The following SDCCAG8 variants were observed in gnomAD, a reference collection of about 807,000 sequenced individuals.
SDCCAG8 encodes serologically defined colon cancer antigen 8.
Under a neutral mutation model 101.8 loss-of-function variants are expected in SDCCAG8, and 74 were observed. The ratio of observed to expected loss-of-function variants is 0.73; its 90% CI spans 0.60 to 0.88. The LOEUF is 0.88. Ranked by LOEUF, SDCCAG8 falls within the 40% of genes least tolerant of loss-of-function variation. The pLI is 0.00. For synonymous variants in SDCCAG8, 281 were observed against 292.9 expected, an observed-to-expected ratio of 0.96 and a Z score of 0.41; for missense variants, 787 against 822.6, an observed-to-expected ratio of 0.96 and a Z score of 0.53.
chr1:243,316,959 A>T (rs931498158), intron 9 of SDCCAG8, 66 bp downstream of exon 9: 51 of 1,509,590 alleles, frequency 3.4e-5, no homozygotes, highest in Non-Finnish European at 4.6e-5. Context: ...CTGAGTATTT[A>T]TTTGGTTATT....
At chr1:243,444,971 A>G (rs796661795) in intron 16 of SDCCAG8, among the ~76,000 whole-genome samples, 2 of 152,260 alleles carry the variant, frequency 1.3e-5, no homozygotes, top group South Asian at 4.1e-4. Context: ...TTTCTATTTT[A>G]TGTTGGCAAC....
At chr1:243,441,033 G>A (rs770737952) in intron 16 of SDCCAG8, among the ~76,000 whole-genome samples, 14 of 152,036 alleles carry the variant, frequency 9.2e-5, no homozygotes, top group Non-Finnish European at 1.9e-4. Context: ...TATGAACATG[G>A]GCCAAACCAT....
In SDCCAG8 at chr1:243,433,620, C is replaced by T. The variant is rs142073086; in HGVS notation, c.1985+7062C>T. Among the ~76,000 whole-genome samples the T allele has an allele frequency of 2.9e-3, 443 of 152,230 alleles. 1 individual carries two copies. Among genetic ancestry groups the T allele is most frequent in the African/African-American group, 0.01 (417 of 41,542 alleles). ...TTAAAGTGTTTATTTGTTTAAGTCT[C>T]CTGTTCTCTCTGTTTTATATAGACC... On this transcript the variant is annotated intron_variant, in intron 16 of 17. Transcript: ENST00000366541.
intron 16 of SDCCAG8, among the ~76,000 whole-genome samples, chr1:243,438,173 G>C (rs190856131): frequency 4.2e-4 from 64 of 152,284 alleles, no homozygotes; most frequent in Middle Eastern, 3.4e-3. Context: ...GCGCATCCGG[G>C]GGGAGGAAGG....
At chr1:243,429,681 A>G (rs960333839) in intron 16 of SDCCAG8, among the ~76,000 whole-genome samples, 1 of 143,574 alleles carries the variant, frequency 7.0e-6, no homozygotes, top group Non-Finnish European at 1.5e-5. Flanking sequence ...GGTACATACC[A>G]CCATGCTCTG....
intron 13 of SDCCAG8, 52 bp from the exon 14 acceptor site, chr1:243,415,650 G>A (rs541600170): frequency 1.2e-5 from 19 of 1,612,634 alleles, no homozygotes; most frequent in Non-Finnish European, 1.4e-5. Flanking sequence ...ACATGATGGG[G>A]GTTTGTGCAT....
intron 13 of SDCCAG8, 47 bp from the exon 14 acceptor site, chr1:243,415,655 G>C (rs1558436345): frequency 1.2e-6 from 2 of 1,613,134 alleles, no homozygotes; most frequent in Non-Finnish European, 1.7e-6. Context: ...ATGGGGGTTT[G>C]TGCATCTGCA....
At chr1:243,264,699 TG>T (rs1359145240) in intron 1 of SDCCAG8, among the ~76,000 whole-genome samples, 1 of 152,192 alleles carries the variant, frequency 6.6e-6, no homozygotes, top group Non-Finnish European at 1.5e-5. Flanking sequence ...AAGTGCTCAT[TG>T]TACTGATTGA....
chr1:243,294,018 A>T (rs141246631), intron 6 of SDCCAG8, among the ~76,000 whole-genome samples: 55 of 151,580 alleles, frequency 3.6e-4, no homozygotes, highest in Admixed American at 7.2e-4. Flanking sequence ...TGTTTTCCTG[A>T]TTTTCTTTAG....
chr1:243,258,600 T>G (rs934015905), intron 1 of SDCCAG8, among the ~76,000 whole-genome samples: 2 of 152,186 alleles, frequency 1.3e-5, no homozygotes, highest in Non-Finnish European at 2.9e-5. Flanking sequence ...AGACTGGGTT[T>G]CGCCATGTTG....
intron 10 of SDCCAG8, 43 bp downstream of exon 10, chr1:243,330,735 T>A: frequency 6.2e-6 from 10 of 1,600,264 alleles, no homozygotes; most frequent in Non-Finnish European, 8.6e-6. Flanking sequence ...AGAAGAAAGG[T>A]TTTTTATGAT....
intron 9 of SDCCAG8, among the ~76,000 whole-genome samples, chr1:243,319,904 C>T (rs536954359): frequency 5.3e-5 from 8 of 152,298 alleles, no homozygotes; most frequent in East Asian, 1.9e-4. Context: ...TCTTTCCTCC[C>T]TATCAAAGTT....
chr1:243,268,980 G>A (rs997646645), intron 1 of SDCCAG8, among the ~76,000 whole-genome samples: 1 of 151,568 alleles, frequency 6.6e-6, no homozygotes, highest in Admixed American at 6.6e-5. Flanking sequence ...GGAGGACTGG[G>A]CTGTCAGAGT....
intron 4 of SDCCAG8, among the ~76,000 whole-genome samples, chr1:243,284,940 T>A (rs920827182): frequency 2.0e-5 from 3 of 152,036 alleles, no homozygotes; most frequent in Non-Finnish European, 2.9e-5. Context: ...TGGAGTGCAG[T>A]GGCGTGATCT....
chr1:243,429,272 C>G (rs554987382), intron 16 of SDCCAG8, among the ~76,000 whole-genome samples: 2 of 152,262 alleles, frequency 1.3e-5, no homozygotes, highest in African/African-American at 4.8e-5. Context: ...AATATTTTTT[C>G]TAGCTTACTT....
intron 17 of SDCCAG8, among the ~76,000 whole-genome samples, chr1:243,493,612 A>C (rs1199116109): frequency 6.6e-6 from 1 of 151,952 alleles, no homozygotes; most frequent in Non-Finnish European, 1.5e-5. Flanking sequence ...CCTCATATGA[A>C]TCACTTACAG....
intron 1 of SDCCAG8, among the ~76,000 whole-genome samples, chr1:243,260,737 T>C (rs554527401): frequency 1.3e-5 from 2 of 152,288 alleles, no homozygotes; most frequent in East Asian, 1.9e-4. Context: ...TAAGGAAAAA[T>C]GAAACAAACT....
intron 12 of SDCCAG8, among the ~76,000 whole-genome samples, chr1:243,350,422 T>A (rs1168647321): frequency 6.6e-6 from 1 of 152,146 alleles, no homozygotes; most frequent in East Asian, 1.9e-4. Context: ...TTTACCGTGT[T>A]GCCCAGGCTG....
At chr1:243,445,681 A>G (rs972674474) in intron 16 of SDCCAG8, among the ~76,000 whole-genome samples, 1 of 152,160 alleles carries the variant, frequency 6.6e-6, no homozygotes, top group Non-Finnish European at 1.5e-5. Context: ...TATTGCACCC[A>G]ATTTTGATTT....
Sources: allele counts gnomAD v4.1 joint callset (sites outside exome capture counted in the v4.1 genomes callset), GRCh38; gene constraint gnomAD v4.1.1; transcripts MANE v1.5; gene names NCBI Gene and HGNC (gene_info 2026-07-23, HGNC 2026-07-21).